SYCP3: variants seen among roughly 807,000 people sequenced by gnomAD.
SYCP3 encodes the protein synaptonemal complex protein 3.
Under a neutral mutation model 38.5 loss-of-function variants are expected in SYCP3, and 29 were observed. That is an observed-to-expected ratio of 0.75 (90% CI 0.56 to 1.03). The LOEUF is 1.03. Among genes scored for constraint, SYCP3 ranks in the 50% least tolerant of loss-of-function variants. The pLI is 0.00. For missense variants in SYCP3, 242 were observed against 270.7 expected, an observed-to-expected ratio of 0.89 and a Z score of 0.74; for synonymous variants, 79 against 80.3, an observed-to-expected ratio of 0.98 and a Z score of 0.08.
Position 101,731,588 on chromosome 12 carries a change from A to G in SYCP3, c.532T>C (p.Leu178=). The G allele has an allele frequency of 6.2e-7, 1 of 1,605,956 alleles. No homozygotes were observed. The highest frequency in any genetic ancestry group is 1.7e-4 in the Middle Eastern group (1 of 6,040). The change falls in exon 7 of 9, where the codon TTA becomes CTA. Residue 178 remains leucine, a synonymous_variant. Transcript: ENST00000392924. ...QSQRLKTIKQ[L]YEQFIKSMEE... ...CAAACCTTTATGAACTGCTCATATA[A>G]CTGTTTAATTGTTTTCAATCTCTGG...
At chr12:101,735,871 A>ATATTTTTTTTTTT in intron 4 of SYCP3, among the ~76,000 whole-genome samples, 1 of 74,758 alleles carries the variant, frequency 1.3e-5, no homozygotes, top group Non-Finnish European at 2.5e-5. Flanking sequence ...ATATATATAT[A>ATATTTTTTTTTTT]TTTTTTTTTT....
intron 3 of SYCP3, 44 bp downstream of exon 3, chr12:101,737,188 G>A: frequency 6.2e-7 from 1 of 1,604,482 alleles, no homozygotes. Context: ...AACTTTTCTT[G>A]AAGTGCTTTA....
intron 8 of SYCP3, 56 bp from the exon 9 acceptor site, chr12:101,729,036 C>A (rs779038445): frequency 2.2e-5 from 35 of 1,609,358 alleles, no homozygotes; most frequent in Non-Finnish European, 2.7e-5. Context: ...AAGTGTTATA[C>A]CTATTTCAGC....
In SYCP3 at chr12:101,728,972, T is replaced by C. The variant is rs190337934; in HGVS notation, c.666A>G (p.Gln222=). 927 of 1,612,074 alleles carry C rather than the reference T, an allele frequency of 5.8e-4. 3 individuals carry two copies. In the East Asian group the frequency reaches 0.016, roughly 29 times the overall value. Reference sequence around the variant, plus strand: ...GAGACTTCCGAACACTTGCTATCTCTTGCTGCTGCTGTTTCATGGAAGGAG... The same window carrying C: ...GAGACTTCCGAACACTTGCTATCTCCTGCTGCTGCTGTTTCATGGAAGGAG... ...QKKIMMETQQ[Q]EIASVRKSLQ... is the part of the protein sequence containing the mutation. The change falls in exon 9 of 9, where the codon CAA becomes CAG. Residue 222 remains glutamine (Q), a synonymous_variant. Transcript: ENST00000392924.
At chr12:101,733,740 C>T in intron 5 of SYCP3, 66 bp from the exon 6 acceptor site, 1 of 1,446,808 alleles carries the variant, frequency 6.9e-7, no homozygotes, top group Non-Finnish European at 9.5e-7. Flanking sequence ...TAAAACAAAA[C>T]TGAGTTGACA....
At position 101,734,960 on chromosome 12, in the gene SYCP3, A is replaced by AT; in HGVS notation, c.319dup (p.Ile107AsnfsTer2). 6.2e-7 allele frequency: 1 copy of AT among 1,613,680 alleles called. No homozygotes were observed. The highest frequency in any genetic ancestry group is 8.5e-7 in the Non-Finnish European group (1 of 1,179,742). On this transcript the variant is annotated frameshift_variant, in exon 5 of 9. Coordinates refer to ENST00000392924, the MANE Select transcript of SYCP3 (RefSeq NM_001177949.2). LOFTEE classifies it high-confidence loss of function. ...TTGTTGTGTTTTCCAAACATGTTCA[A>AT]TTTTCTGGTTACTAGTTTTGAGAGA...
At chr12:101,738,091 GC>G in intron 1 of SYCP3, 139 bp from the exon 2 acceptor site, 1 of 995,328 alleles carries the variant, frequency 1.0e-6, no homozygotes, top group Non-Finnish European at 1.5e-6. Context: ...TATTTGGGGG[GC>G]CAAAAGTTAA....
At chr12:101,739,127 C>G (rs1952604642) in intron 1 of SYCP3, among the ~76,000 whole-genome samples, 1 of 152,220 alleles carries the variant, frequency 6.6e-6, no homozygotes, top group Non-Finnish European at 1.5e-5. Context: ...CGCCGCGTCC[C>G]TCCTGTAAGT....
At chr12:101,731,761 G>A (rs1952201672) in intron 6 of SYCP3, 95 bp from the exon 7 acceptor site, 3 of 885,580 alleles carry the variant, frequency 3.4e-6, no homozygotes, top group Non-Finnish European at 3.3e-6. Context: ...AAAAGAAAGT[G>A]TTAAAAATCA....
chr12:101,732,790 C>A (rs1952244002), intron 6 of SYCP3: 1 of 152,152 alleles, frequency 6.6e-6, no homozygotes, highest in African/African-American at 2.4e-5. Context: ...CCTCAGCCTC[C>A]TGAGTAACTT....
Position 101,731,606 on chromosome 12 carries a change from A to T in SYCP3, c.514T>A (p.Leu172Met), listed in dbSNP as rs146700404. The T allele has an allele frequency of 1.5e-5, 24 of 1,607,280 alleles. No individual in the cohort carries two copies. The highest frequency in any genetic ancestry group is 1.8e-5 in the Non-Finnish European group (21 of 1,178,368). Reference sequence around the variant, plus strand: ...TCATATAACTGTTTAATTGTTTTCAATCTCTGGCTCTGAACAATTCTAGAT... The same window carrying T: ...TCATATAACTGTTTAATTGTTTTCATTCTCTGGCTCTGAACAATTCTAGAT... ...QQSRIVQSQRLKTIKQLYEQF... is the reference protein window; with the variant it reads ...QQSRIVQSQRMKTIKQLYEQF... The change falls in exon 7 of 9, where the codon TTG (leucine) becomes ATG (methionine). Residue 172 changes from leucine (L) to methionine (M), a missense_variant. Leu to Met is a conservative substitution (Grantham distance 15, BLOSUM62 2). Transcript: ENST00000392924.
At chr12:101,729,425 T>C (rs1952086011) in intron 7 of SYCP3, 1 of 514,464 alleles carries the variant, frequency 1.9e-6, no homozygotes. Flanking sequence ...GGAAGTACAA[T>C]GTAGTATACT....
chr12:101,731,581 T>TCATATAA lies in SYCP3; in HGVS notation c.532_538dup (p.Glu180ValfsTer3). ...CATACAACAAACCTTTATGAACTGC[T>TCATATAA]CATATAACTGTTTAATTGTTTTCAA... is the stretch of plus-strand genomic sequence containing the variant. On this transcript the variant is annotated stop_gained and frameshift_variant, in exon 7 of 9. Transcript: ENST00000392924. LOFTEE classifies it high-confidence loss of function. 6.2e-7 allele frequency: 1 copy of TCATATAA among 1,604,002 alleles called. No homozygotes were observed. Among genetic ancestry groups the TCATATAA allele is most frequent in the Non-Finnish European group, 8.5e-7 (1 of 1,176,316 alleles).
chr12:101,739,432 C>T lies in SYCP3; in HGVS notation c.-99G>A. The T allele has an allele frequency of 7.0e-6, 7 of 1,002,716 alleles. No homozygotes were observed. Among genetic ancestry groups the T allele is most frequent in the Non-Finnish European group, 8.4e-6 (7 of 830,330 alleles). 62.1% of individuals were successfully genotyped at this position (1,002,716 alleles called of 1,614,324 possible). A position where few individuals can be genotyped will look rare whatever the true frequency, so the allele number is the denominator to read the frequency against. On this transcript the variant is annotated 5_prime_UTR_variant, in exon 1 of 9. It adds an upstream start codon to the 5' untranslated region. Transcript: ENST00000392924. ...ACAACTCCTCCACAAGCGCGCTTCACCTGAGGTGGCCCCTTCTCCGCGACG... is the reference window on the plus strand; with the variant it reads ...ACAACTCCTCCACAAGCGCGCTTCATCTGAGGTGGCCCCTTCTCCGCGACG...
chr12:101,730,526 C>T (rs764883422), intron 7 of SYCP3: 27 of 376,678 alleles, frequency 7.2e-5, no homozygotes, highest in Non-Finnish European at 1.2e-4. Flanking sequence ...GGCAGGGTCT[C>T]GCTGTCGCCC....
intron 6 of SYCP3, 164 bp from the exon 7 acceptor site, chr12:101,731,830 T>G (rs1952203465): frequency 4.0e-6 from 2 of 503,894 alleles, no homozygotes; most frequent in South Asian, 6.0e-5. Flanking sequence ...TGTTCACCAC[T>G]AATATGTAAC....
At chr12:101,734,340 G>A (rs1387181677) in intron 5 of SYCP3, among the ~76,000 whole-genome samples, 2 of 152,120 alleles carry the variant, frequency 1.3e-5, no homozygotes, top group African/African-American at 2.4e-5. Context: ...TGAGAGGATC[G>A]CTTGAGCCTA....
intron 1 of SYCP3, 143 bp from the exon 2 acceptor site, chr12:101,738,095 AAAGTT>A: frequency 1.1e-6 from 1 of 939,456 alleles, no homozygotes; most frequent in Non-Finnish European, 1.6e-6. Flanking sequence ...TGGGGGGCCA[AAAGTT>A]AAGAAGATAA....
chr12:101,737,923 C>T lies in SYCP3; in HGVS notation c.13G>A (p.Gly5Arg), dbSNP rs748277097. 27 of 1,613,910 alleles carry T rather than the reference C, an allele frequency of 1.7e-5. No individual in the cohort carries two copies. The highest frequency in any genetic ancestry group is 1.9e-5 in the Non-Finnish European group (23 of 1,180,014). Residue 5 changes from glycine (G) to arginine (R), a missense_variant, in exon 2 of 9, where the codon GGA becomes AGA. Physicochemically the swap from Gly to Arg is moderately radical, Grantham distance 125. Transcript: ENST00000392924. Reference protein sequence around the residue: MVSSGKKYSRKSGKP... With the variant: MVSSRKKYSRKSGKP... ...CCAGATTTCCTGGAATACTTTTTTC[C>T]GGAGGACACCATATTTAGATGCTTC...
Sources: allele counts gnomAD v4.1 joint callset (sites outside exome capture counted in the v4.1 genomes callset), GRCh38; gene constraint gnomAD v4.1.1; transcripts MANE v1.5; gene names NCBI Gene and HGNC (gene_info 2026-07-23, HGNC 2026-07-21).